OGFOD3: variants seen among roughly 807,000 people sequenced by gnomAD.
OGFOD3 encodes the protein 2-oxoglutarate and iron dependent oxygenase domain containing 3.
A neutral mutation model predicts 39.8 loss-of-function variants in OGFOD3; 35 were observed. The observed-to-expected ratio is 0.88, with a 90% CI of 0.67 to 1.17. The LOEUF (loss-of-function observed/expected upper bound fraction) is 1.17. Ranked by LOEUF, OGFOD3 falls within the 50% of genes most tolerant of loss-of-function variation. OGFOD3 has a pLI of 0.00. For missense variants in OGFOD3, 438 were observed against 454.5 expected, an observed-to-expected ratio of 0.96 and a Z score of 0.33; for synonymous variants, 200 against 192.0, an observed-to-expected ratio of 1.04 and a Z score of -0.34.
chr17:82,408,567 C>T (rs1273253394), intron 4 of OGFOD3, among the ~76,000 whole-genome samples: 1 of 151,160 alleles, frequency 6.6e-6, no homozygotes. Context: ...TTCTAGAGCC[C>T]AGGAGTCTAA....
Position 82,398,233 on chromosome 17 carries a change from C to T in OGFOD3, c.786G>A (p.Met262Ile). Residue 262 changes from methionine to isoleucine, a missense_variant, in exon 8 of 9, where the codon ATG becomes ATA. Transcript: ENST00000313056. ...EDFGGGRFMF[M>I]EEGANKTVEP... ...CCACCGTCTTGTTGGCACCCTCCTC[C>T]ATGAACATGAACCGCCCTCCGCCGA... The T allele has an allele frequency of 6.2e-7, 1 of 1,614,158 alleles. No individual in the cohort carries two copies. Among genetic ancestry groups the T allele is most frequent in the Non-Finnish European group, 8.5e-7 (1 of 1,180,012 alleles).
chr17:82,394,549 G>A (rs1170408984), intron 8 of OGFOD3: 1 of 1,603,732 alleles, frequency 6.2e-7, no homozygotes, highest in East Asian at 2.2e-5. Flanking sequence ...ACATCCTGGG[G>A]ACACAGGACA....
intron 8 of OGFOD3, chr17:82,394,614 C>T (rs953082342): frequency 7.9e-7 from 1 of 1,264,040 alleles, no homozygotes; most frequent in East Asian, 2.4e-5. Flanking sequence ...ACACCCTACA[C>T]CCTCCAGAGA....
intron 2 of OGFOD3, 35 bp from the exon 3 acceptor site, chr17:82,411,565 C>T: frequency 6.3e-7 from 1 of 1,584,350 alleles, no homozygotes; most frequent in Non-Finnish European, 8.7e-7. Context: ...ACGCAGTTTC[C>T]AAGGCCACCG....
chr17:82,416,015 G>A (rs985301671), intron 1 of OGFOD3, among the ~76,000 whole-genome samples: 1 of 152,056 alleles, frequency 6.6e-6, no homozygotes, highest in African/African-American at 2.4e-5. Flanking sequence ...GATCACCTGA[G>A]GTCAGGGTAT....
At chr17:82,396,909 G>C (rs1314849940) in intron 8 of OGFOD3, 1 of 152,270 alleles carries the variant, frequency 6.6e-6, no homozygotes, top group Non-Finnish European at 1.5e-5. Flanking sequence ...CCCAATCCAC[G>C]CCAGGGGAGA....
chr17:82,396,980 G>C (rs2052682573), intron 8 of OGFOD3: 1 of 152,252 alleles, frequency 6.6e-6, no homozygotes, highest in African/African-American at 2.4e-5. Context: ...GGCTTGGCCA[G>C]CCGCTGGCTA....
Position 82,405,305 on chromosome 17 carries a change from C to T in OGFOD3, c.545+19G>A. 6.2e-7 allele frequency: 1 copy of T among 1,612,334 alleles called. No individual in the cohort carries two copies. The highest frequency in any genetic ancestry group is 2.2e-5 in the East Asian group (1 of 44,874). On this transcript the variant is annotated intron_variant, in intron 6 of 8. Transcript: ENST00000313056. ...GGCCACCCCGCCTGCGAACCCCCACCCGCCTCACTCCTCCTTACCGGTATA... is the reference window on the plus strand; with the variant it reads ...GGCCACCCCGCCTGCGAACCCCCACTCGCCTCACTCCTCCTTACCGGTATA...
In OGFOD3 at chr17:82,409,357, A is replaced by G. The variant is rs767991456; in HGVS notation, c.423+11T>C. 6.2e-7 allele frequency: 1 copy of G among 1,613,590 alleles called. No homozygotes were observed. Among genetic ancestry groups the G allele is most frequent in the South Asian group, 1.1e-5 (1 of 91,068 alleles). ...GTAAAAAAAGGGGGGCAGGGACTAC[A>G]TTCAACTCACCCCTCCGTCAGATCC... On this transcript the variant is annotated intron_variant, in intron 4 of 8. Transcript: ENST00000313056.
intron 8 of OGFOD3, among the ~76,000 whole-genome samples, chr17:82,397,378 T>A (rs1229027054): frequency 1.7e-5 from 1 of 57,838 alleles, no homozygotes; most frequent in Admixed American, 2.1e-4. Context: ...GTGAGGGCAG[T>A]GCCCTGGGGA....
rs956373168 is a variant in OGFOD3 at position 82,390,325 on chromosome 17, A to G, written c.*2073T>C. On this transcript the variant is annotated 3_prime_UTR_variant, in exon 9 of 9. Transcript: ENST00000313056. This position sits in a 1 kb window ranked among gnomAD's most constrained non-coding sequence, Gnocchi z 4.9. Reference sequence around the variant, plus strand: ...CAGCCACGGACCCTCTGGAAAGTCAAGACTGGGAGAAGCTCAAGGGCGGCC... The same window carrying G: ...CAGCCACGGACCCTCTGGAAAGTCAGGACTGGGAGAAGCTCAAGGGCGGCC... 6.6e-6 allele frequency: 1 copy of G among 152,292 alleles called. No individual in the cohort carries two copies. Among genetic ancestry groups the G allele is most frequent in the Non-Finnish European group, 1.5e-5 (1 of 68,102 alleles). The allele number at this position is 152,292 out of a possible 1,614,324, so 9.4% of individuals were successfully genotyped here. A position where few individuals can be genotyped will look rare whatever the true frequency, so the allele number is the denominator to read the frequency against.
At chr17:82,403,610 G>A (rs553131453) in intron 7 of OGFOD3, among the ~76,000 whole-genome samples, 18 of 152,266 alleles carry the variant, frequency 1.2e-4, no homozygotes, top group African/African-American at 3.8e-4. Flanking sequence ...CATCCTGGGC[G>A]ACAGAGCGAG....
chr17:82,397,306 G>A (rs2052687963), intron 8 of OGFOD3, among the ~76,000 whole-genome samples: 1 of 150,144 alleles, frequency 6.7e-6, no homozygotes, highest in East Asian at 2.0e-4. Context: ...GCAGTGCCCT[G>A]GGGACGGGTG....
rs769249226 is a variant in OGFOD3, at chr17:82,405,352, A to T, written c.517T>A (p.Phe173Ile). The stretch of plus-strand genomic sequence containing the variant: ...TATAACCGGAAGTCCTCCTCTGAGA[A>T]GATGTTCTGTATTTTATCCCCGAAG... ...RYFGDKIQNI[F>I]SEEDFRLYRE... The change falls in exon 6 of 9, where the codon TTC becomes ATC. Residue 173 changes from phenylalanine (F) to isoleucine (I), a missense_variant. Coordinates refer to ENST00000313056, the MANE Select transcript of OGFOD3 (RefSeq NM_024648.3). The T allele has an allele frequency of 2.5e-6, 4 of 1,613,994 alleles. No individual in the cohort carries two copies. Among genetic ancestry groups the T allele is most frequent in the African/African-American group, 2.7e-5 (2 of 74,944 alleles).
intron 2 of OGFOD3, 81 bp from the exon 3 acceptor site, chr17:82,411,611 G>C: frequency 3.7e-6 from 4 of 1,075,994 alleles, no homozygotes; most frequent in Non-Finnish European, 5.7e-6. Flanking sequence ...GCCAGAACTG[G>C]CTAATACGCC....
rs534203773 is a variant in OGFOD3, at chr17:82,399,678, C to T, written c.700-1359G>A. ...CCGCTTTCTGTCTCTGTGAACCTGG[C>T]GACTCTAGGGTCCCCACGGACGTGG... On this transcript the variant is annotated intron_variant, in intron 7 of 8. Coordinates refer to ENST00000313056, the MANE Select transcript of OGFOD3 (RefSeq NM_024648.3). 2.5e-4 allele frequency among the ~76,000 whole-genome samples: 38 copies of T among 152,272 alleles called. 1 individual carries two copies. The South Asian group carries it at 7.5e-3, about 30-fold the overall frequency.
At position 82,409,423 on chromosome 17, in the gene OGFOD3, A is replaced by G; in HGVS notation, c.381-13T>C. The G allele has an allele frequency of 6.2e-7, 1 of 1,613,594 alleles. No individual in the cohort carries two copies. The highest frequency in any genetic ancestry group is 8.5e-7 in the Non-Finnish European group (1 of 1,179,554). On this transcript the variant is annotated splice_polypyrimidine_tract_variant and intron_variant, in intron 3 of 8. Transcript: ENST00000313056. ...CTTTTCAGCTACGCTGCAGGGAGAA[A>G]ATAATTCAGAATTTCGTTGCTAGAA...
chr17:82,416,420 C>G (rs1324003054), intron 1 of OGFOD3, among the ~76,000 whole-genome samples: 1 of 152,088 alleles, frequency 6.6e-6, no homozygotes, highest in Admixed American at 6.5e-5. Flanking sequence ...ACACTAAGGA[C>G]GGGGGCCACT....
Position 82,415,568 on chromosome 17 carries a change from C to T in OGFOD3, c.134G>A (p.Arg45Lys). ...VQRLWQRPWLRTAGLGAGFVL... is the reference protein window; with the variant it reads ...VQRLWQRPWLKTAGLGAGFVL... The stretch of plus-strand genomic sequence containing the variant: ...AAAGCCAGCCCCCAGGCCCGCGGTC[C>T]TTAGCCACGGCCTCTGCCACAGCCT... Residue 45 changes from arginine to lysine, a missense_variant, in exon 2 of 9, where the codon AGG becomes AAG. By Grantham distance (26) the Arg-to-Lys change is conservative (BLOSUM62 2). Transcript: ENST00000313056. This position sits in a 1 kb window ranked among gnomAD's most constrained non-coding sequence, Gnocchi z 5.3. 6.2e-7 allele frequency: 1 copy of T among 1,613,482 alleles called. No homozygotes were observed.
Sources: allele counts gnomAD v4.1 joint callset (sites outside exome capture counted in the v4.1 genomes callset), GRCh38; gene constraint gnomAD v4.1.1; non-coding constraint Gnocchi (gnomAD v3.1); transcripts MANE v1.5; gene names NCBI Gene and HGNC (gene_info 2026-07-23, HGNC 2026-07-21).